SGSM1: variants seen among roughly 807,000 people sequenced by gnomAD.
SGSM1 encodes the protein RUN and TBC1 domain containing 2.
Under a neutral mutation model 133.8 loss-of-function variants are expected in SGSM1, and 73 were observed. The observed-to-expected ratio is 0.55, with a 90% confidence interval of 0.45 to 0.66. The LOEUF (loss-of-function observed/expected upper bound fraction) is 0.66, where lower values mean the gene tolerates loss of function less well. SGSM1 is among the 30% of genes least tolerant of loss of function. The probability of loss-of-function intolerance (pLI) is 0.00; values close to 1 mark genes in which losing one functional copy is unlikely to be tolerated. For missense variants in SGSM1, 1,213 were observed against 1,448.1 expected, an observed-to-expected ratio of 0.84 and a Z score of 2.64; for synonymous variants, 563 against 573.0, an observed-to-expected ratio of 0.98 and a Z score of 0.25.
At chr22:24,807,090 T>C (rs1374698438) in intron 2 of SGSM1, among the ~76,000 whole-genome samples, 2 of 150,004 alleles carry the variant, frequency 1.3e-5, no homozygotes, top group Non-Finnish European at 3.0e-5. Flanking sequence ...ATTCAGAGGG[T>C]GAGAATCAGA....
chr22:24,847,695 C>A lies in SGSM1; in HGVS notation c.201C>A (p.Ser67Arg). 1 of 1,613,888 alleles carries A rather than the reference C, an allele frequency of 6.2e-7. No individual in the cohort carries two copies. The highest frequency in any genetic ancestry group is 8.5e-7 in the Non-Finnish European group (1 of 1,179,870). ...GGCGGGCGGCTGGCTTCCTACGCAG[C>A]AATAAGATTGCAGCCCTCTTTATGA... The part of the protein sequence containing the change: ...LRRRAAGFLR[S>R]NKIAALFMKV... Residue 67 changes from serine (S) to arginine (R), a missense_variant, in exon 4 of 25, where the codon AGC becomes AGA. By Grantham distance (110) the Ser-to-Arg change is moderately radical (BLOSUM62 -1). Coordinates refer to ENST00000400358, the MANE Select transcript of SGSM1 (RefSeq NM_001098497.3).
At chr22:24,920,673 G>A (rs1367279783) in intron 24 of SGSM1, among the ~76,000 whole-genome samples, 1 of 144,036 alleles carries the variant, frequency 6.9e-6, no homozygotes, top group East Asian at 2.8e-4. Context: ...AGAAAGTTCT[G>A]GAAAAAAACA....
intron 2 of SGSM1, among the ~76,000 whole-genome samples, chr22:24,825,543 T>C (rs1455529865): frequency 1.3e-5 from 2 of 152,140 alleles, no homozygotes; most frequent in Non-Finnish European, 2.9e-5. Flanking sequence ...GATTCTCCTG[T>C]CTCAGTCTCC....
intron 2 of SGSM1, chr22:24,843,615 G>A (rs1929927730): frequency 6.6e-6 from 1 of 152,248 alleles, no homozygotes; most frequent in Non-Finnish European, 1.5e-5. Context: ...TCAAAGTGGG[G>A]TAACTGAGGT....
chr22:24,873,848 GCCT>G lies in SGSM1; in HGVS notation c.1292-2727_1292-2725del, dbSNP rs1931886633. ...AGCCTGGATGACAAAACAAGACCCT[GCCT>G]CAGAAAAAAAAAAAAGTCAAATCCC... On this transcript the variant is annotated intron_variant, in intron 12 of 24. Coordinates refer to ENST00000400358, the MANE Select transcript of SGSM1 (RefSeq NM_001098497.3). 3.3e-5 allele frequency among the ~76,000 whole-genome samples: 5 copies of G among 151,486 alleles called. No individual in the cohort carries two copies. In the South Asian group the frequency reaches 1.0e-3, roughly 32 times the overall value.
intron 2 of SGSM1, among the ~76,000 whole-genome samples, chr22:24,823,357 C>T (rs1928596739): frequency 1.3e-5 from 2 of 152,154 alleles, no homozygotes; most frequent in African/African-American, 2.4e-5. Flanking sequence ...AATCCCAGCA[C>T]TTTGGGAGGC....
chr22:24,868,880 G>A (rs756002435), intron 12 of SGSM1, 25 bp downstream of exon 12: 16 of 1,609,778 alleles, frequency 9.9e-6, no homozygotes, highest in East Asian at 4.5e-5. Flanking sequence ...CCCGGGCCCC[G>A]GGGAGTCACC....
At chr22:24,829,235 G>A (rs112697162) in intron 2 of SGSM1, among the ~76,000 whole-genome samples, 5,630 of 151,924 alleles carry the variant, frequency 0.037, 348 homozygotes, top group African/African-American at 0.13. Flanking sequence ...CTTCGCAGGA[G>A]CAGGAGTGGA....
At chr22:24,823,941 G>T (rs557979526) in intron 2 of SGSM1, among the ~76,000 whole-genome samples, 34 of 152,262 alleles carry the variant, frequency 2.2e-4, no homozygotes, top group African/African-American at 7.9e-4. Context: ...ATTATCTTAC[G>T]CCAGTGAGGC....
rs867099422 is a variant in SGSM1 at position 24,860,302 on chromosome 22, A to G, written c.926+462A>G. On this transcript the variant is annotated intron_variant, in intron 9 of 24. Coordinates refer to ENST00000400358, the MANE Select transcript of SGSM1 (RefSeq NM_001098497.3). ...AGTCACACTTGAAAGAAATGCTGGG[A>G]CAGGGGATTTCCTGCTGCAATGCCT... 2.0e-5 allele frequency among the ~76,000 whole-genome samples: 3 copies of G among 152,138 alleles called. No homozygotes were observed. In the South Asian group the frequency reaches 6.2e-4, roughly 32 times the overall value.
rs1033782963 is a variant in SGSM1 at position 24,925,465 on chromosome 22, A to T, written c.*1191A>T. The T allele has an allele frequency of 1.3e-5, 2 of 152,084 alleles. No homozygotes were observed. Among genetic ancestry groups the T allele is most frequent in the Admixed American group, 6.6e-5 (1 of 15,266 alleles). The allele number at this position is 152,084 out of a possible 1,614,324, so 9.4% of individuals were successfully genotyped here. A position where few individuals can be genotyped will look rare whatever the true frequency, so the allele number is the denominator to read the frequency against. Reference sequence around the variant, plus strand: ...TTTCTCCTCTGTCTGATGCCAGAAGATACTTGTTTTCTTCTTTTCAAGAAA... The same window carrying T: ...TTTCTCCTCTGTCTGATGCCAGAAGTTACTTGTTTTCTTCTTTTCAAGAAA... On this transcript the variant is annotated 3_prime_UTR_variant, in exon 25 of 25. Coordinates refer to ENST00000400358, the MANE Select transcript of SGSM1 (RefSeq NM_001098497.3).
rs1015469298 is a variant in SGSM1 at position 24,921,246 on chromosome 22, C to T, written c.3193+1253C>T. Among the ~76,000 whole-genome samples the T allele has an allele frequency of 4.5e-4, 68 of 151,414 alleles. 2 individuals carry two copies. The highest frequency in any genetic ancestry group is 3.9e-4 in the East Asian group (2 of 5,104). ...TCCTGAGTAGCTGGGATTACAGACACGCACCACCACGCCCGGCTAATTTTT... is the reference window on the plus strand; with the variant it reads ...TCCTGAGTAGCTGGGATTACAGACATGCACCACCACGCCCGGCTAATTTTT... On this transcript the variant is annotated intron_variant, in intron 24 of 24. Coordinates refer to ENST00000400358, the MANE Select transcript of SGSM1 (RefSeq NM_001098497.3).
chr22:24,807,888 C>T (rs951423905), intron 2 of SGSM1, among the ~76,000 whole-genome samples: 3 of 147,666 alleles, frequency 2.0e-5, no homozygotes, highest in East Asian at 2.0e-4. Context: ...TATGTGCCTG[C>T]GTGTGTGTGT....
chr22:24,854,340 A>C lies in SGSM1; in HGVS notation c.456-656A>C, dbSNP rs531471296. On this transcript the variant is annotated intron_variant, in intron 5 of 24. Transcript: ENST00000400358. ...AGGGCAGACATCATCTGAGCCTCTAAGTCACTTCCTGTCTCAAATGGGAGA... is the reference window on the plus strand; with the variant it reads ...AGGGCAGACATCATCTGAGCCTCTACGTCACTTCCTGTCTCAAATGGGAGA... Among the ~76,000 whole-genome samples the C allele has an allele frequency of 3.3e-5, 5 of 152,342 alleles. No homozygotes were observed. In the East Asian group the frequency reaches 7.7e-4, roughly 23 times the overall value.
At chr22:24,820,602 G>A (rs939434664) in intron 2 of SGSM1, among the ~76,000 whole-genome samples, 2 of 152,174 alleles carry the variant, frequency 1.3e-5, no homozygotes, top group African/African-American at 4.8e-5. Context: ...CCCATGGCCT[G>A]TGTGGCTTTG....
chr22:24,917,838 AG>A, intron 23 of SGSM1, 84 bp downstream of exon 23: 1 of 1,145,036 alleles, frequency 8.7e-7, no homozygotes, highest in Non-Finnish European at 1.3e-6. Context: ...GGTGAGGTTG[AG>A]GGGTTGGCAA....
intron 24 of SGSM1, 102 bp downstream of exon 24, chr22:24,920,095 G>T: frequency 7.9e-7 from 1 of 1,265,700 alleles, no homozygotes; most frequent in Admixed American, 2.3e-5. Flanking sequence ...GATGCATGGT[G>T]AAGGGGATAA....
chr22:24,906,701 G>C (rs904422780), intron 21 of SGSM1, among the ~76,000 whole-genome samples: 3 of 152,236 alleles, frequency 2.0e-5, no homozygotes, highest in Non-Finnish European at 4.4e-5. Flanking sequence ...GGGAGGCCAA[G>C]GCGGGTGGAT....
intron 16 of SGSM1, among the ~76,000 whole-genome samples, chr22:24,891,622 C>T (rs1037675057): frequency 2.6e-5 from 4 of 152,222 alleles, no homozygotes; most frequent in Middle Eastern, 6.8e-3. Context: ...CTCTGATGTA[C>T]AGAGCCCCGT....
Sources: gnomAD v4.1 joint callset for allele counts (sites outside exome capture counted in the v4.1 genomes callset) on GRCh38, gnomAD v4.1.1 for gene constraint, MANE v1.5 for transcripts, NCBI Gene and HGNC (gene_info 2026-07-23, HGNC 2026-07-21) for gene names.